Variants in ZNF682 observed in about 807,000 individuals in gnomAD.
ZNF682 encodes the protein zinc finger protein 682.
In ZNF682, 29 loss-of-function variants were observed where a neutral mutation model predicts 36.5. The ratio of observed to expected loss-of-function variants is 0.80; its 90% confidence interval spans 0.59 to 1.08. The LOEUF (loss-of-function observed/expected upper bound fraction) is 1.08, where lower values mean the gene tolerates loss of function less well. Ranked by LOEUF, ZNF682 falls within the 50% of genes least tolerant of loss-of-function variation. The pLI is 0.00. For synonymous variants in ZNF682, 180 were observed against 197.0 expected, an observed-to-expected ratio of 0.91 and a Z score of 0.72; for missense variants, 561 against 579.7, an observed-to-expected ratio of 0.97 and a Z score of 0.33.
At chr19:20,000,184 C>T (rs188798112), downstream of ZNF682, among the ~76,000 whole-genome samples, 311 of 152,166 alleles carry the variant, frequency 2.0e-3, 2 homozygotes, top group Non-Finnish European at 3.2e-3. Flanking sequence ...GTGGAAGGAA[C>T]CTTGAAGAGT....
chr19:19,998,404 C>T (rs146498374), intron 3 of ZNF682, among the ~76,000 whole-genome samples: 16 of 152,248 alleles, frequency 1.1e-4, no homozygotes, highest in African/African-American at 3.6e-4. Context: ...CCACTATGGC[C>T]GCAGAGAGCC....
chr19:20,017,213 ATT>A (rs938820366), intron 3 of ZNF682, among the ~76,000 whole-genome samples: 1 of 152,194 alleles, frequency 6.6e-6, no homozygotes, highest in African/African-American at 2.4e-5. Context: ...TAGTAATTTT[ATT>A]TCTTTCTGGT....
At chr19:20,020,138 T>C (rs2088371437) in intron 3 of ZNF682, among the ~76,000 whole-genome samples, 1 of 152,076 alleles carries the variant, frequency 6.6e-6, no homozygotes, top group Non-Finnish European at 1.5e-5. Context: ...GAAAAAAATC[T>C]TGTACACTGT....
chr19:20,006,888 T>G lies in ZNF682; in HGVS notation c.614A>C (p.Glu205Ala). The G allele has an allele frequency of 6.2e-7, 1 of 1,614,100 alleles. No homozygotes were observed. Among genetic ancestry groups the G allele is most frequent in the Non-Finnish European group, 8.5e-7 (1 of 1,179,950 alleles). ...GAACCACTTAAAGGTTTTGCCACAT[T>G]CCTCACATATGCAGAGTTTCTCTTC... ...HTEEKLCICE[E>A]CGKTFKWFSY... Residue 205 changes from glutamate to alanine, a missense_variant, in exon 4 of 4, where the codon GAA becomes GCA. By Grantham distance (107) the Glu-to-Ala change is moderately radical. Coordinates refer to ENST00000397165, the MANE Select transcript of ZNF682 (RefSeq NM_033196.3).
At chr19:20,039,239 C>T (rs916202043) in intron 1 of ZNF682, 104 bp downstream of exon 1, 18 of 1,561,868 alleles carry the variant, frequency 1.2e-5, no homozygotes, top group Middle Eastern at 1.8e-4. Context: ...AGTCCGCAGA[C>T]TCCGGAGCTG....
intron 3 of ZNF682, among the ~76,000 whole-genome samples, chr19:20,012,660 C>T (rs1027247509): frequency 1.3e-5 from 2 of 149,820 alleles, no homozygotes; most frequent in African/African-American, 2.5e-5. Context: ...CTCAGCTGCT[C>T]GGGAGGCTGA....
At chr19:20,018,946 T>C (rs1056886666) in intron 3 of ZNF682, among the ~76,000 whole-genome samples, 2 of 152,108 alleles carry the variant, frequency 1.3e-5, no homozygotes, top group Admixed American at 1.3e-4. Context: ...AGGAAAAATT[T>C]AGTGGGGTGA....
At chr19:20,003,913 GT>G (rs1173167145), downstream of ZNF682, among the ~76,000 whole-genome samples, 4 of 152,146 alleles carry the variant, frequency 2.6e-5, no homozygotes, top group Admixed American at 2.0e-4. Flanking sequence ...TTACCAGTTT[GT>G]TCTAACATAT....
downstream of ZNF682, among the ~76,000 whole-genome samples, chr19:19,995,193 T>A (rs1480567419): frequency 6.6e-6 from 1 of 151,850 alleles, no homozygotes; most frequent in Non-Finnish European, 1.5e-5. Flanking sequence ...ACAAATAATA[T>A]AATAAGCAAA....
At chr19:20,011,309 C>T (rs953258025) in intron 3 of ZNF682, among the ~76,000 whole-genome samples, 2 of 152,116 alleles carry the variant, frequency 1.3e-5, no homozygotes, top group African/African-American at 4.8e-5. Context: ...CATTGGCACA[C>T]CCATGTTTAT....
Position 20,015,185 on chromosome 19 carries a change from CAA to C in ZNF682, c.226+7817_226+7818del, listed in dbSNP as rs894693054. The C allele has an allele frequency of 2.6e-5, 26 of 985,064 alleles. No individual in the cohort carries two copies. The African/African-American group carries it at 4.4e-4, about 17-fold the overall frequency. The allele number at this position is 985,064 out of a possible 1,614,324, so 61.0% of individuals were successfully genotyped here. On this transcript the variant is annotated intron_variant, in intron 3 of 3. Transcript: ENST00000397165. ...CTTTTCAAAAATTACCTTCAAATCA[CAA>C]GTGTTTCTCTCACAAAAAGAAAATA...
chr19:20,035,247 C>T (rs7247843), intron 1 of ZNF682, among the ~76,000 whole-genome samples: 119,338 of 152,060 alleles, frequency 0.78, 46,971 homozygotes, highest in Middle Eastern at 0.87. Context: ...TTTTTTGAGA[C>T]GGAGTTTTGC....
Position 20,021,065 on chromosome 19 carries a change from G to GAAT in ZNF682, c.226+1936_226+1938dup, listed in dbSNP as rs2088379560. ...TTGGCTTCCCTGGGCCACAGTGGAA[G>GAAT]AATTGTCTTGGGCCACGCATAAAAT... is the stretch of plus-strand genomic sequence containing the variant. On this transcript the variant is annotated intron_variant, in intron 3 of 3. Transcript: ENST00000397165. Among the ~76,000 whole-genome samples the GAAT allele has an allele frequency of 5.3e-5, 8 of 151,966 alleles. No homozygotes were observed. In the South Asian group the frequency reaches 1.5e-3, roughly 28 times the overall value.
intron 3 of ZNF682, among the ~76,000 whole-genome samples, chr19:20,013,831 C>T (rs1010981388): frequency 1.5e-4 from 23 of 152,312 alleles, no homozygotes; most frequent in Middle Eastern, 3.4e-3. Context: ...CCGCCTGCAT[C>T]GGCCTCCCAA....
downstream of ZNF682, among the ~76,000 whole-genome samples, chr19:20,001,568 G>A (rs144009525): frequency 3.0e-3 from 452 of 152,324 alleles, 4 homozygotes; most frequent in African/African-American, 0.01. Context: ...AATATTGTGT[G>A]TGTGTACTAA....
At chr19:20,002,954 G>A (rs2088178885), downstream of ZNF682, among the ~76,000 whole-genome samples, 1 of 152,002 alleles carries the variant, frequency 6.6e-6, no homozygotes, top group Non-Finnish European at 1.5e-5. Context: ...ACTTTGGGAG[G>A]CTGAGGCGGG....
intron 3 of ZNF682, among the ~76,000 whole-genome samples, chr19:20,010,919 C>T (rs952302564): frequency 3.3e-5 from 5 of 151,698 alleles, no homozygotes; most frequent in Admixed American, 6.6e-5. Flanking sequence ...AAGCCGAGAT[C>T]GTGCCACTTC....
At chr19:20,029,119 T>C (rs981784056) in intron 1 of ZNF682, among the ~76,000 whole-genome samples, 1 of 151,610 alleles carries the variant, frequency 6.6e-6, no homozygotes, top group Non-Finnish European at 1.5e-5. Context: ...ACTGGGATTA[T>C]AGGTGCCTGC....
chr19:20,015,258 A>C, intron 3 of ZNF682: 2 of 985,278 alleles, frequency 2.0e-6, no homozygotes, highest in Non-Finnish European at 2.4e-6. Flanking sequence ...AATTCTCATG[A>C]CTCCTCATCT....
Sources: allele counts gnomAD v4.1 joint callset (sites outside exome capture counted in the v4.1 genomes callset), GRCh38; gene constraint gnomAD v4.1.1; transcripts MANE v1.5; gene names NCBI Gene and HGNC (gene_info 2026-07-23, HGNC 2026-07-21).